The following ENKUR variants were observed in gnomAD, a reference collection of about 807,000 sequenced individuals.
ENKUR encodes the protein enkurin, TRPC channel interacting protein.
Under a neutral mutation model 27.6 loss-of-function variants are expected in ENKUR, and 19 were observed. The ratio of observed to expected loss-of-function variants is 0.69; its 90% CI spans 0.48 to 1.01. ENKUR has a LOEUF of 1.01. Among genes scored for constraint, ENKUR ranks in the 50% least tolerant of loss-of-function variants. ENKUR has a pLI of 0.00. For synonymous variants in ENKUR, 117 were observed against 96.9 expected (o/e 1.21, Z -1.22); for missense variants, 312 against 310.5 (o/e 1.00, Z -0.04).
intron 1 of ENKUR, among the ~76,000 whole-genome samples, chr10:25,008,304 G>A (rs981679671): frequency 6.6e-6 from 1 of 152,104 alleles, no homozygotes; most frequent in African/African-American, 2.4e-5. Context: ...AATTAAAAAG[G>A]GTTACTGTTT....
intron 2 of ENKUR, among the ~76,000 whole-genome samples, chr10:25,054,514 CTTTCTTTCT>C (rs1206741554): frequency 2.0e-3 from 53 of 26,530 alleles, no homozygotes; most frequent in Non-Finnish European, 3.7e-3. Context: ...TCTTTCTTTC[CTTTCTTTCT>C]TTCTTTCCTT....
intron 2 of ENKUR, among the ~76,000 whole-genome samples, chr10:25,054,422 C>G (rs553504218): frequency 2.0e-5 from 3 of 152,114 alleles, no homozygotes; most frequent in Non-Finnish European, 4.4e-5. Context: ...AACTCCGTCT[C>G]AAATAAACAA....
chr10:25,025,730 A>T, intron 2 of ENKUR: 1 of 367,418 alleles, frequency 2.7e-6, no homozygotes. Context: ...TTCCACTCCC[A>T]CACCCTCACT....
chr10:25,057,200 G>T (rs568825291), intron 2 of ENKUR, among the ~76,000 whole-genome samples: 4 of 152,142 alleles, frequency 2.6e-5, no homozygotes, highest in Non-Finnish European at 4.4e-5. Context: ...TTTGCAAGAT[G>T]GTATGCATCC....
At chr10:25,000,457 A>T (rs1259320250) in intron 1 of ENKUR, among the ~76,000 whole-genome samples, 1 of 152,120 alleles carries the variant, frequency 6.6e-6, no homozygotes, top group African/African-American at 2.4e-5. Context: ...TCTTCTTTCA[A>T]TTAAAATAGT....
chr10:25,028,938 A>G (rs112557467), intron 2 of ENKUR, among the ~76,000 whole-genome samples: 6 of 152,300 alleles, frequency 3.9e-5, no homozygotes, highest in East Asian at 1.9e-4. Flanking sequence ...GTCATACTTT[A>G]TGTGTTATCC....
chr10:25,011,204 A>G (rs1850437007), intron 1 of ENKUR, among the ~76,000 whole-genome samples: 1 of 152,148 alleles, frequency 6.6e-6, no homozygotes, highest in African/African-American at 2.4e-5. Context: ...AGTGATGATG[A>G]CCATTTTTTC....
chr10:25,013,182 C>T (rs1431094259), intron 1 of ENKUR, among the ~76,000 whole-genome samples: 4 of 152,200 alleles, frequency 2.6e-5, no homozygotes, highest in Admixed American at 2.0e-4. Flanking sequence ...GTCAATTAAA[C>T]TTCTTTTGAA....
chr10:25,041,549 C>T (rs1851064638), intron 2 of ENKUR, among the ~76,000 whole-genome samples: 1 of 152,000 alleles, frequency 6.6e-6, no homozygotes, highest in Non-Finnish European at 1.5e-5. Flanking sequence ...TTCATGTTGT[C>T]AAACAGGTCC....
At chr10:25,009,502 T>A (rs1850390764) in intron 1 of ENKUR, among the ~76,000 whole-genome samples, 1 of 152,194 alleles carries the variant, frequency 6.6e-6, no homozygotes, top group African/African-American at 2.4e-5. Flanking sequence ...TAAATCCTTG[T>A]TGATAAGGTA....
intron 2 of ENKUR, among the ~76,000 whole-genome samples, chr10:25,043,462 T>A (rs1265920591): frequency 2.0e-5 from 3 of 152,192 alleles, no homozygotes; most frequent in Admixed American, 1.3e-4. Flanking sequence ...TTCCTGTGTA[T>A]ATAACATCTT....
At chr10:25,059,103 T>A (rs987744129) in intron 2 of ENKUR, among the ~76,000 whole-genome samples, 5 of 149,428 alleles carry the variant, frequency 3.3e-5, no homozygotes, top group African/African-American at 1.2e-4. Context: ...TTCATTGATG[T>A]TTGTTTTGCC....
At chr10:24,994,941 G>A (rs918856011) in intron 3 of ENKUR, among the ~76,000 whole-genome samples, 4 of 152,044 alleles carry the variant, frequency 2.6e-5, no homozygotes, top group South Asian at 2.1e-4. Flanking sequence ...AGAATCACTC[G>A]AGCCGGAAGT....
At chr10:24,990,670 C>A (rs75836114) in intron 3 of ENKUR, 61 bp from the exon 4 acceptor site, 2 of 1,445,078 alleles carry the variant, frequency 1.4e-6, no homozygotes, top group African/African-American at 1.4e-5. Context: ...CATATGGGTA[C>A]GTATCAACTG....
intron 2 of ENKUR, among the ~76,000 whole-genome samples, chr10:25,038,820 G>C (rs1395140468): frequency 6.6e-6 from 1 of 152,122 alleles, no homozygotes; most frequent in Admixed American, 6.5e-5. Flanking sequence ...AATGGTAAAA[G>C]GTATCTGTTT....
At position 25,007,655 on chromosome 10, in the gene ENKUR, C is replaced by T. The variant is rs181537004; in HGVS notation, c.78-8109G>A. Among the ~76,000 whole-genome samples the T allele has an allele frequency of 4.8e-4, 73 of 152,190 alleles. 1 individual carries two copies. The East Asian group carries it at 0.013, about 27-fold the overall frequency. ...TTCACCATGTTAGCCAGGATGTTCT[C>T]GATCTCCTGACCTCATGACCCGCCT... On this transcript the variant is annotated intron_variant, in intron 1 of 5. Coordinates refer to ENST00000331161, the MANE Select transcript of ENKUR (RefSeq NM_145010.4).
chr10:25,023,831 G>A (rs767045593), intron 2 of ENKUR: 1 of 1,614,214 alleles, frequency 6.2e-7, no homozygotes, highest in Non-Finnish European at 8.5e-7. Context: ...CGTGTTTTCT[G>A]TGAAAGTGGG....
rs544581711 is a variant in ENKUR, at chr10:25,008,284, A to G, written c.77+7576T>C. 2.4e-4 allele frequency among the ~76,000 whole-genome samples: 36 copies of G among 152,286 alleles called. 1 individual carries two copies. Among genetic ancestry groups the G allele is most frequent in the African/African-American group, 8.2e-4 (34 of 41,578 alleles). On this transcript the variant is annotated intron_variant, in intron 1 of 5. Transcript: ENST00000331161. ...TTTGGAATAGTCTAGACTTTCTTTG[A>G]ATATAAGTTAATTAAAAAGGGTTAC...
intron 2 of ENKUR, chr10:25,021,677 T>G (rs1485127587): frequency 6.6e-6 from 1 of 152,198 alleles, no homozygotes; most frequent in Non-Finnish European, 1.5e-5. Flanking sequence ...AATAGACTAG[T>G]CTATGTGTAG....
Sources: allele counts gnomAD v4.1 joint callset (sites outside exome capture counted in the v4.1 genomes callset), GRCh38; gene constraint gnomAD v4.1.1; transcripts MANE v1.5; gene names NCBI Gene and HGNC (gene_info 2026-07-23, HGNC 2026-07-21).